Variants in ANKZF1 observed in about 807,000 individuals in gnomAD.
The protein encoded by ANKZF1 is ankyrin repeat and zinc finger peptidyl tRNA hydrolase 1.
ANKZF1 carries 84 observed loss-of-function variants against 86.0 expected under a neutral mutation model. The ratio of observed to expected loss-of-function variants is 0.98; its 90% CI spans 0.82 to 1.17. The LOEUF is 1.17. Ranked by LOEUF, ANKZF1 falls within the 50% of genes most tolerant of loss-of-function variation. The pLI, the probability that ANKZF1 is intolerant of heterozygous loss-of-function variation, is 0.00. For synonymous variants in ANKZF1, 331 were observed against 354.2 expected (o/e 0.93, Z 0.74); for missense variants, 893 against 918.4 (o/e 0.97, Z 0.36).
chr2:219,236,181 T>A (rs529528193), intron 13 of ANKZF1, 86 bp downstream of exon 13: 1 of 1,601,430 alleles, frequency 6.2e-7, no homozygotes, highest in African/African-American at 1.3e-5. Context: ...TGCACAGTAT[T>A]CAGAAGGGTG....
In ANKZF1 at chr2:219,232,270, A is replaced by G. The variant is rs1380582732; in HGVS notation, c.272A>G (p.Tyr91Cys). ...TTGTCTTTGTACTAGAGGGAACATT[A>G]TAAGCTTGACTGGCATCGGTTTAAC... ...FQNHQEQREH[Y>C]KLDWHRFNLK... The change falls in exon 4 of 14, where the codon TAT becomes TGT. Residue 91 changes from tyrosine to cysteine, a missense_variant. Physicochemically the swap from Tyr to Cys is radical, Grantham distance 194 (BLOSUM62 -2). Coordinates refer to ENST00000323348, the MANE Select transcript of ANKZF1 (RefSeq NM_018089.3). 5.3e-5 allele frequency: 86 copies of G among 1,614,066 alleles called. No individual in the cohort carries two copies. The highest frequency in any genetic ancestry group is 7.1e-5 in the Non-Finnish European group (84 of 1,180,000).
chr2:219,230,607 C>G, intron 2 of ANKZF1: 1 of 574,538 alleles, frequency 1.7e-6, no homozygotes, highest in South Asian at 3.0e-5. Context: ...GCATGTATCT[C>G]CTCACGTTAA....
chr2:219,232,476 TTGTC>T lies in ANKZF1; in HGVS notation c.365-8_365-5del. 1.2e-6 allele frequency: 2 copies of T among 1,613,738 alleles called. No individual in the cohort carries two copies. The highest frequency in any genetic ancestry group is 1.7e-6 in the Non-Finnish European group (2 of 1,179,782). On this transcript the variant is annotated splice_polypyrimidine_tract_variant and intron_variant, in intron 4 of 13. Transcript: ENST00000323348. The stretch of plus-strand genomic sequence containing the variant: ...GGGTACCAAACTTGTGTATCTCATA[TTGTC>T]TGTCTTCAGGAGATCTTTCCAGCAT...
At chr2:219,236,136 T>C (rs755395044) in intron 13 of ANKZF1, 41 bp downstream of exon 13, 1 of 1,612,048 alleles carries the variant, frequency 6.2e-7, no homozygotes, top group Non-Finnish European at 8.5e-7. Flanking sequence ...ACTGTAATGT[T>C]GCAGGGACCA....
Position 219,235,220 on chromosome 2 carries a change from C to G in ANKZF1, c.1599C>G (p.Ser533=). ...CTCTGCTCAGTGCCCCCTTGGGCTC[C>G]GGTGGCTTTACTCTCCTGCATGCAG... is the stretch of plus-strand genomic sequence containing the variant. The part of the protein sequence containing the change: ...VLSLLSAPLG[S]GGFTLLHAAA... Residue 533 remains serine (S), a synonymous_variant, in exon 10 of 14, where the codon TCC becomes TCG. Transcript: ENST00000323348. The G allele has an allele frequency of 2.5e-6, 4 of 1,613,754 alleles. No homozygotes were observed. Among genetic ancestry groups the G allele is most frequent in the Non-Finnish European group, 3.4e-6 (4 of 1,180,042 alleles).
chr2:219,236,294 T>C (rs1574858063), intron 13 of ANKZF1, 28 bp from the exon 14 acceptor site: 1 of 1,613,574 alleles, frequency 6.2e-7, no homozygotes, highest in South Asian at 1.1e-5. Flanking sequence ...GGGGTACCTG[T>C]CCAGCCATTT....
Position 219,235,893 on chromosome 2 carries a change from C to T in ANKZF1, c.1971+18C>T. 6.2e-7 allele frequency: 1 copy of T among 1,613,960 alleles called. No individual in the cohort carries two copies. Among genetic ancestry groups the T allele is most frequent in the African/African-American group, 1.3e-5 (1 of 75,056 alleles). On this transcript the variant is annotated intron_variant, in intron 12 of 13. Transcript: ENST00000323348. The stretch of plus-strand genomic sequence containing the variant: ...GAGAGAAGGTGAGGCTGGAGGTTCT[C>T]TTGTCCATGGCAAGGCTTCCTAGAG...
At chr2:219,235,932 C>G (rs1951208052) in intron 12 of ANKZF1, 57 bp downstream of exon 12, 2 of 1,613,586 alleles carry the variant, frequency 1.2e-6, no homozygotes, top group Non-Finnish European at 1.7e-6. Context: ...TAACCCCTTC[C>G]CCAGCGTGCA....
chr2:219,231,936 G>A lies in ANKZF1; in HGVS notation c.157G>A (p.Glu53Lys), dbSNP rs767793054. Residue 53 changes from glutamate to lysine, a missense_variant, in exon 3 of 14, where the codon GAG (glutamate) becomes AAG (lysine). Glu to Lys is a moderately conservative substitution (Grantham distance 56, BLOSUM62 1). Transcript: ENST00000323348. ...APRTSCSGSG[E>K]RESPERKLLQ... ...CCTCTTCCCTTATTTAGGCTCAGGG[G>A]AGAGAGAAAGCCCAGAAAGAAAGCT... The A allele has an allele frequency of 5.0e-6, 8 of 1,613,684 alleles. No homozygotes were observed. The South Asian group carries it at 8.8e-5, about 18-fold the overall frequency.
rs1951079052 is a variant in ANKZF1 at position 219,232,663 on chromosome 2, T to C, written c.538T>C (p.Cys180Arg). 6.2e-7 allele frequency: 1 copy of C among 1,614,110 alleles called. No homozygotes were observed. Among genetic ancestry groups the C allele is most frequent in the Non-Finnish European group, 8.5e-7 (1 of 1,180,024 alleles). ...AQGQFLYAYR[C>R]VLGPHQDPPE... is the part of the protein sequence containing the mutation. ...GGGCCAGTTTCTTTATGCCTACCGC[T>C]GTGTCCTAGGCCCTCATCAGGCAAG... Residue 180 changes from cysteine to arginine, a missense_variant, in exon 5 of 14, where the codon TGT becomes CGT. By Grantham distance (180) the Cys-to-Arg change is radical. Coordinates refer to ENST00000323348, the MANE Select transcript of ANKZF1 (RefSeq NM_018089.3).
chr2:219,235,267 C>T lies in ANKZF1; in HGVS notation c.1646C>T (p.Ser549Leu), dbSNP rs1559258201. The stretch of plus-strand genomic sequence containing the variant: ...GCAGCAGCTGCAGCTGGAAGAGGCT[C>T]AGTGGTTCGTCTGCTGCTGGAAGCA... ...LHAAAAAGRG[S>L]VVRLLLEAGA... Residue 549 changes from serine (S) to leucine (L), a missense_variant, in exon 10 of 14, where the codon TCA becomes TTA. Transcript: ENST00000323348. 3 of 1,612,096 alleles carry T rather than the reference C, an allele frequency of 1.9e-6. No homozygotes were observed. In the East Asian group the frequency reaches 6.7e-5, roughly 36 times the overall value.
At position 219,236,056 on chromosome 2, in the gene ANKZF1, C is replaced by T. The variant is rs200850569; in HGVS notation, c.2018C>T (p.Pro673Leu). The T allele has an allele frequency of 1.4e-5, 23 of 1,614,118 alleles. No homozygotes were observed. The Middle Eastern group carries it at 6.6e-4, about 46-fold the overall frequency. ...ERRLAAQLGA[P>L]TSPIPDSAIV... ...CGACTCGCTGCCCAGTTGGGAGCCC[C>T]TACCTCTCCAATCCCTGACTCTGCA... The change falls in exon 13 of 14, where the codon CCT becomes CTT. Residue 673 changes from proline (P) to leucine (L), a missense_variant. Coordinates refer to ENST00000323348, the MANE Select transcript of ANKZF1 (RefSeq NM_018089.3).
Position 219,233,773 on chromosome 2 carries a change from C to T in ANKZF1, c.878C>T (p.Thr293Ile). The change falls in exon 8 of 14, where the codon ACA becomes ATA. Residue 293 changes from threonine (T) to isoleucine (I), a missense_variant. Physicochemically the swap from Thr to Ile is moderately conservative, Grantham distance 89. Coordinates refer to ENST00000323348, the MANE Select transcript of ANKZF1 (RefSeq NM_018089.3). The part of the protein sequence containing the change: ...SWAKALEEAG[T>I]ILLRAPRSGR... ...GCTAAGGCGCTGGAGGAGGCTGGTA[C>T]AATACTGTTGCGTGCTCCCCGCTCT... The T allele has an allele frequency of 1.9e-6, 3 of 1,614,102 alleles. No homozygotes were observed. The highest frequency in any genetic ancestry group is 2.5e-6 in the Non-Finnish European group (3 of 1,180,034).
At chr2:219,232,193 C>T in intron 3 of ANKZF1, 67 bp from the exon 4 acceptor site, 1 of 1,526,482 alleles carries the variant, frequency 6.6e-7, no homozygotes, top group Admixed American at 1.7e-5. Context: ...TATAACTGGT[C>T]TTGGCCAGTA....
rs1298203687 is a variant in ANKZF1 at position 219,232,057 on chromosome 2, A to G, written c.261+17A>G. 1.3e-6 allele frequency: 2 copies of G among 1,584,736 alleles called. No homozygotes were observed. Among genetic ancestry groups the G allele is most frequent in the Non-Finnish European group, 1.7e-6 (2 of 1,164,872 alleles). ...CAAGAACAGGTAATAGGTCAGGTGC[A>G]GAGCTAGATGTTAGAAGCAAAAGTG... On this transcript the variant is annotated intron_variant, in intron 3 of 13. Coordinates refer to ENST00000323348, the MANE Select transcript of ANKZF1 (RefSeq NM_018089.3).
chr2:219,234,804 CA>C, intron 9 of ANKZF1, 21 bp from the exon 10 acceptor site: 13 of 1,593,188 alleles, frequency 8.2e-6, no homozygotes, highest in Non-Finnish European at 1.1e-5. Flanking sequence ...AGATGGATTT[CA>C]CATGTCAGGT....
chr2:219,233,907 C>T lies in ANKZF1; in HGVS notation c.1012C>T (p.Arg338Cys), dbSNP rs761842964. Reference protein sequence around the residue: ...TRRPTFQELQRVLHKLTTLHV... With the variant: ...TRRPTFQELQCVLHKLTTLHV... ...CAGACCCACCTTCCAAGAGCTACAG[C>T]GTGTGCTCCATAAGCTGACCACTTT... The change falls in exon 8 of 14, where the codon CGT (arginine) becomes TGT (cysteine). Residue 338 changes from arginine to cysteine, a missense_variant. Physicochemically the swap from Arg to Cys is radical, Grantham distance 180. Coordinates refer to ENST00000323348, the MANE Select transcript of ANKZF1 (RefSeq NM_018089.3). 14 of 1,602,382 alleles carry T rather than the reference C, an allele frequency of 8.7e-6. No individual in the cohort carries two copies. Among genetic ancestry groups the T allele is most frequent in the Admixed American group, 5.2e-5 (3 of 58,122 alleles).
rs1323145887 is a variant in ANKZF1 at position 219,232,587 on chromosome 2, G to T, written c.462G>T (p.Leu154Phe). 1 of 1,614,164 alleles carries T rather than the reference G, an allele frequency of 6.2e-7. No homozygotes were observed. The highest frequency in any genetic ancestry group is 8.5e-7 in the Non-Finnish European group (1 of 1,180,034). Residue 154 changes from leucine to phenylalanine, a missense_variant, in exon 5 of 14, where the codon TTG (leucine) becomes TTT (phenylalanine). By Grantham distance (22) the Leu-to-Phe change is conservative (BLOSUM62 0). Coordinates refer to ENST00000323348, the MANE Select transcript of ANKZF1 (RefSeq NM_018089.3). ...GGGAGAGGGCTACATTTGAGAAGTT[G>T]AGCCGACCCCCAGGCTTTTACCCTC... ...LDRERATFEK[L>F]SRPPGFYPHR...
rs544276732 is a variant in ANKZF1, at chr2:219,235,787, G to A, written c.1883G>A (p.Arg628Gln). The change falls in exon 12 of 14, where the codon CGG becomes CAG. Residue 628 changes from arginine (R) to glutamine (Q), a missense_variant. Arg to Gln is a conservative substitution (Grantham distance 43). Transcript: ENST00000323348. ...GAGCAGAAGGCAGCCCGGCGGCAAC[G>A]GGAGGAACAGCAGCAGAGGCAGCAG... ...KREQKAARRQ[R>Q]EEQQQRQQEQ... 26 of 1,614,228 alleles carry A rather than the reference G, an allele frequency of 1.6e-5. No individual in the cohort carries two copies. The highest frequency in any genetic ancestry group is 6.7e-5 in the Admixed American group (4 of 60,030).
Sources: gnomAD v4.1 joint callset for allele counts on GRCh38, gnomAD v4.1.1 for gene constraint, MANE v1.5 for transcripts, NCBI Gene and HGNC (gene_info 2026-07-23, HGNC 2026-07-21) for gene names.